Variants in XRCC4 observed in about 807,000 individuals in gnomAD.
The protein encoded by XRCC4 is X-ray repair cross complementing 4.
A neutral mutation model predicts 39.1 loss-of-function variants in XRCC4; 28 were observed. The observed-to-expected ratio is 0.72, with a 90% CI of 0.53 to 0.98. The LOEUF (loss-of-function observed/expected upper bound fraction) is 0.98, where lower values mean the gene tolerates loss of function less well. Ranked by LOEUF, XRCC4 falls within the 50% of genes least tolerant of loss-of-function variation. The probability of loss-of-function intolerance (pLI) is 0.00; values close to 1 mark genes in which losing one functional copy is unlikely to be tolerated. For synonymous variants in XRCC4, 123 were observed against 126.4 expected (o/e 0.97, Z 0.18); for missense variants, 350 against 376.4 (o/e 0.93, Z 0.58).
At chr5:83,368,599 C>T in the XRCC4 span, among the ~76,000 whole-genome samples, 2 of 152,168 alleles carry the variant, frequency 1.3e-5, no homozygotes, top group African/African-American at 4.8e-5. Context: ...GGAGTGGGCT[C>T]CCCTGGTGCA....
chr5:83,128,060 C>T (rs186719349), intron 3 of XRCC4, among the ~76,000 whole-genome samples: 1 of 151,832 alleles, frequency 6.6e-6, no homozygotes, highest in Non-Finnish European at 1.5e-5. Flanking sequence ...TGCCATGTTG[C>T]TGTGCTGCAC....
intron 3 of XRCC4, among the ~76,000 whole-genome samples, chr5:83,130,528 A>C (rs1433982153): frequency 3.9e-5 from 6 of 152,150 alleles, no homozygotes; most frequent in Admixed American, 3.3e-4. Flanking sequence ...TGATTGGAGT[A>C]GTTTCAGAAG....
rs1746753304 is a variant in XRCC4 at position 83,116,930 on chromosome 5, C to T, written c.315+5727C>T. Among the ~76,000 whole-genome samples the T allele has an allele frequency of 6.6e-5, 10 of 151,996 alleles. No individual in the cohort carries two copies. The South Asian group carries it at 2.1e-3, about 32-fold the overall frequency. Reference sequence around the variant, plus strand: ...AGTCACTGTGCCCAGCCAGAATTACCAATTTCTAATGTAGTGAAATATTTA... The same window carrying T: ...AGTCACTGTGCCCAGCCAGAATTACTAATTTCTAATGTAGTGAAATATTTA... On this transcript the variant is annotated intron_variant, in intron 3 of 7. Coordinates refer to ENST00000396027, the MANE Select transcript of XRCC4 (RefSeq NM_003401.5).
chr5:83,248,531 C>T (rs142005656), intron 6 of XRCC4, among the ~76,000 whole-genome samples: 91 of 152,184 alleles, frequency 6.0e-4, no homozygotes, highest in African/African-American at 2.1e-3. Context: ...ATCTTTGGGG[C>T]GTGACAAGTT....
At chr5:83,348,967 T>C (rs1757001168) in intron 7 of XRCC4, among the ~76,000 whole-genome samples, 1 of 152,110 alleles carries the variant, frequency 6.6e-6, no homozygotes. Context: ...AACTTCCTTA[T>C]CTCCATCTGA....
intron 7 of XRCC4, among the ~76,000 whole-genome samples, chr5:83,306,015 T>G (rs1469926084): frequency 6.6e-6 from 1 of 152,192 alleles, no homozygotes; most frequent in Non-Finnish European, 1.5e-5. Flanking sequence ...TAAGGATATA[T>G]TTTGCAATAG....
At chr5:83,194,845 A>G (rs1413945892) in intron 3 of XRCC4, among the ~76,000 whole-genome samples, 2 of 152,166 alleles carry the variant, frequency 1.3e-5, no homozygotes, top group East Asian at 1.9e-4. Context: ...TACCCCTTCA[A>G]TAACTTGGAT....
chr5:83,195,416 CAT>C (rs1048322810), intron 3 of XRCC4, among the ~76,000 whole-genome samples: 1 of 152,114 alleles, frequency 6.6e-6, no homozygotes, highest in African/African-American at 2.4e-5. Flanking sequence ...TTAAAATTAT[CAT>C]ATATAATTCC....
intron 3 of XRCC4, among the ~76,000 whole-genome samples, chr5:83,154,676 AGC>A (rs1194407008): frequency 1.3e-5 from 2 of 152,156 alleles, no homozygotes; most frequent in Admixed American, 6.5e-5. Context: ...AGGCATCAAG[AGC>A]AATAGTCTTT....
intron 7 of XRCC4, among the ~76,000 whole-genome samples, chr5:83,309,296 A>AAAAAAAAAAAAATATAT (rs1561467702): frequency 1.4e-5 from 1 of 72,216 alleles, no homozygotes; most frequent in Non-Finnish European, 2.1e-5. Context: ...AAAAAAAAAA[A>AAAAAAAAAAAAATATAT]ATATATATAT....
At chr5:83,232,096 A>G (rs944053651) in intron 6 of XRCC4, among the ~76,000 whole-genome samples, 4 of 151,986 alleles carry the variant, frequency 2.6e-5, no homozygotes, top group African/African-American at 4.8e-5. Flanking sequence ...TTTCCATGAA[A>G]CCATATCCTG....
intron 7 of XRCC4, among the ~76,000 whole-genome samples, chr5:83,309,770 A>G (rs1755643182): frequency 6.8e-6 from 1 of 147,356 alleles, no homozygotes; most frequent in South Asian, 2.1e-4. Flanking sequence ...AAAAAAAAAA[A>G]AAAAAAAAAA....
chr5:83,185,422 T>TTA (rs67640834), intron 3 of XRCC4, among the ~76,000 whole-genome samples: 2,491 of 146,120 alleles, frequency 0.017, 64 homozygotes, highest in African/African-American at 0.055. Flanking sequence ...AAAGTATGTA[T>TTA]TATATATATA....
intron 3 of XRCC4, among the ~76,000 whole-genome samples, chr5:83,162,090 C>T (rs6881585): frequency 0.48 from 73,035 of 151,922 alleles, 18,441 homozygotes; most frequent in African/African-American, 0.62. Context: ...TGGCATGAAC[C>T]CGGGAGGCAG....
At chr5:83,085,179 A>G (rs1745124895) in intron 1 of XRCC4, among the ~76,000 whole-genome samples, 1 of 152,178 alleles carries the variant, frequency 6.6e-6, no homozygotes. Context: ...ATTTTATTGG[A>G]TAAAGAAGGA....
At chr5:83,219,313 G>T (rs1751993361) in intron 6 of XRCC4, among the ~76,000 whole-genome samples, 1 of 152,070 alleles carries the variant, frequency 6.6e-6, no homozygotes, top group South Asian at 2.1e-4. Context: ...GTGTTGGGGG[G>T]TGAGGGGGAT....
chr5:83,333,042 GT>G (rs1445346612), intron 7 of XRCC4, among the ~76,000 whole-genome samples: 1 of 151,990 alleles, frequency 6.6e-6, no homozygotes, highest in African/African-American at 2.4e-5. Flanking sequence ...TTTAATACTT[GT>G]GGACAGCTGT....
At chr5:83,124,531 T>C (rs1359828332) in intron 3 of XRCC4, among the ~76,000 whole-genome samples, 1 of 152,178 alleles carries the variant, frequency 6.6e-6, no homozygotes, top group Non-Finnish European at 1.5e-5. Context: ...ATTTATTCAC[T>C]GAAAAAAACC....
At chr5:83,165,893 T>TC (rs1314838871) in intron 3 of XRCC4, among the ~76,000 whole-genome samples, 1 of 150,318 alleles carries the variant, frequency 6.7e-6, no homozygotes, top group East Asian at 1.9e-4. Flanking sequence ...CTTTCTTTTT[T>TC]TTTTTTTTTT....
Sources: allele counts gnomAD v4.1 joint callset (sites outside exome capture counted in the v4.1 genomes callset), GRCh38; gene constraint gnomAD v4.1.1; transcripts MANE v1.5; gene names NCBI Gene and HGNC (gene_info 2026-07-23, HGNC 2026-07-21).